ACKR3: variants seen among roughly 807,000 people sequenced by gnomAD.
ACKR3 encodes C-X-C chemokine receptor type 7.
A neutral mutation model predicts 22.4 loss-of-function variants in ACKR3; 6 were observed. That is an observed-to-expected ratio of 0.27 (90% CI 0.15 to 0.53). The LOEUF (loss-of-function observed/expected upper bound fraction) is 0.53, where lower values mean the gene tolerates loss of function less well. ACKR3 is among the 20% of genes least tolerant of loss of function. The pLI is 0.96. For missense variants in ACKR3, 396 were observed against 475.2 expected (o/e 0.83, Z 1.55); for synonymous variants, 209 against 205.2 (o/e 1.02, Z -0.16).
chr2:236,580,525 A>G lies in ACKR3; in HGVS notation c.60A>G (p.Pro20=), dbSNP rs770517014. 4.3e-6 allele frequency: 7 copies of G among 1,614,130 alleles called. No individual in the cohort carries two copies. The highest frequency in any genetic ancestry group is 3.3e-5 in the South Asian group (3 of 91,090). The change falls in exon 2 of 2, where the codon CCA becomes CCG. Residue 20 remains proline (P), a synonymous_variant. Transcript: ENST00000272928. ...EPGNFSDISW[P]CNSSDCIVVD... is the part of the protein sequence containing the mutation. ...GGAACTTCTCGGACATCAGCTGGCC[A>G]TGCAACAGCAGCGACTGCATCGTGG...
the ACKR3 span, among the ~76,000 whole-genome samples, chr2:236,539,794 C>T: frequency 1.3e-5 from 2 of 152,208 alleles, no homozygotes; most frequent in African/African-American, 2.4e-5. Flanking sequence ...AACTGACTCA[C>T]AGTTCTACAT....
chr2:236,564,634 A>G (rs1166439324), upstream of ACKR3, among the ~76,000 whole-genome samples: 1 of 147,880 alleles, frequency 6.8e-6, no homozygotes, highest in South Asian at 2.1e-4. Flanking sequence ...TTAATAAATC[A>G]GTTGTCCCTG....
the ACKR3 span, among the ~76,000 whole-genome samples, chr2:236,549,814 G>T: frequency 2.0e-5 from 3 of 152,180 alleles, no homozygotes; most frequent in African/African-American, 7.2e-5. The surrounding 1 kb of genome is among the most constrained non-coding windows in gnomAD (Gnocchi z 5.3). Context: ...TTTTGAAAGT[G>T]GACATTATCT....
chr2:236,577,517 A>G lies in ACKR3; in HGVS notation c.-26-2923A>G, dbSNP rs9808217. On this transcript the variant is annotated intron_variant, in intron 1 of 1. Transcript: ENST00000272928. The surrounding 1 kb of genome is among the most constrained non-coding windows in gnomAD (Gnocchi z 5.6). Reference sequence around the variant, plus strand: ...AGCGGGTGAGTGTCTATTTTGTGCTAAGAGTGGAGGAACTGGAAGGAAGGA... The same window carrying G: ...AGCGGGTGAGTGTCTATTTTGTGCTGAGAGTGGAGGAACTGGAAGGAAGGA... Among the ~76,000 whole-genome samples the G allele has an allele frequency of 0.18, 27,824 of 151,968 alleles. 3,266 individuals carry two copies. Among genetic ancestry groups the G allele is most frequent in the African/African-American group, 0.33 (13,541 of 41,406 alleles).
the ACKR3 span, among the ~76,000 whole-genome samples, chr2:236,555,803 G>C: frequency 6.9e-6 from 1 of 144,818 alleles, no homozygotes; most frequent in Middle Eastern, 3.5e-3. Context: ...AACTTACATG[G>C]CCTTTTTACC....
chr2:236,553,377 T>C, the ACKR3 span, among the ~76,000 whole-genome samples: 1 of 152,326 alleles, frequency 6.6e-6, no homozygotes, highest in South Asian at 2.1e-4. Flanking sequence ...TTGGCAGATA[T>C]ACGCTTACAG....
At chr2:236,575,861 G>C (rs543148127) in intron 1 of ACKR3, among the ~76,000 whole-genome samples, 32 of 152,106 alleles carry the variant, frequency 2.1e-4, no homozygotes, top group Admixed American at 1.6e-3. Context: ...GTGTTTGCTC[G>C]TAAATAAATA....
At chr2:236,553,739 G>A in the ACKR3 span, among the ~76,000 whole-genome samples, 21 of 152,388 alleles carry the variant, frequency 1.4e-4, no homozygotes, top group African/African-American at 5.1e-4. Flanking sequence ...CAGAGAAGCT[G>A]CGAACTGCGA....
the ACKR3 span, among the ~76,000 whole-genome samples, chr2:236,540,232 A>T: frequency 6.6e-6 from 1 of 152,218 alleles, no homozygotes; most frequent in Non-Finnish European, 1.5e-5. Context: ...TAGTAATTGT[A>T]AAATAGTGTC....
Position 236,574,442 on chromosome 2 carries a change from A to G in ACKR3, c.-27+4518A>G, listed in dbSNP as rs529443146. Among the ~76,000 whole-genome samples the G allele has an allele frequency of 6.6e-6, 1 of 152,290 alleles. No homozygotes were observed. The highest frequency in any genetic ancestry group is 1.9e-4 in the East Asian group (1 of 5,184). ...TGAACAACGTGATGGTACAAAAGCC[A>G]TTCCAGAATAGAGATGTGCAGTGTG... On this transcript the variant is annotated intron_variant, in intron 1 of 1. Coordinates refer to ENST00000272928, the MANE Select transcript of ACKR3 (RefSeq NM_020311.3). This position sits in a 1 kb window ranked among gnomAD's most constrained non-coding sequence, Gnocchi z 5.6.
Position 236,577,285 on chromosome 2 carries a change from G to T in ACKR3, c.-26-3155G>T, listed in dbSNP as rs750244437. Among the ~76,000 whole-genome samples, 2 of 152,246 alleles carry T rather than the reference G, an allele frequency of 1.3e-5. No individual in the cohort carries two copies. The highest frequency in any genetic ancestry group is 4.8e-5 in the African/African-American group (2 of 41,464). ...TGCCACCCGGGAGGGGAGAAGCAAG[G>T]ACAGAGGCGAGGACGGCTGAGCGGG... On this transcript the variant is annotated intron_variant, in intron 1 of 1. Transcript: ENST00000272928. The surrounding 1 kb of genome is among the most constrained non-coding windows in gnomAD (Gnocchi z 5.6).
chr2:236,565,060 G>A (rs1043059083), upstream of ACKR3, among the ~76,000 whole-genome samples: 25 of 152,258 alleles, frequency 1.6e-4, no homozygotes, highest in Non-Finnish European at 1.2e-4. Flanking sequence ...GCCTTGGAAC[G>A]TATATCTGTT....
the ACKR3 span, among the ~76,000 whole-genome samples, chr2:236,539,748 T>G: frequency 1.3e-5 from 2 of 152,302 alleles, no homozygotes; most frequent in Non-Finnish European, 1.5e-5. Context: ...ATAAAGACAT[T>G]TCTGAGACTG....
chr2:236,579,532 G>T (rs74392437), intron 1 of ACKR3, among the ~76,000 whole-genome samples: 2,956 of 152,334 alleles, frequency 0.019, 80 homozygotes, highest in African/African-American at 0.062. Flanking sequence ...AATTCTGGCT[G>T]GGAGTGAAAT....
the ACKR3 span, among the ~76,000 whole-genome samples, chr2:236,561,502 A>G: frequency 1.3e-5 from 2 of 151,236 alleles, no homozygotes; most frequent in Non-Finnish European, 2.9e-5. Context: ...ATATATACAA[A>G]CACAATTGAC....
chr2:236,566,559 T>A (rs1244829404), upstream of ACKR3, among the ~76,000 whole-genome samples: 1 of 152,202 alleles, frequency 6.6e-6, no homozygotes, highest in Admixed American at 6.5e-5. Context: ...AGCATCCTTA[T>A]CCTTAGGACT....
chr2:236,538,991 T>C, the ACKR3 span, among the ~76,000 whole-genome samples: 1 of 152,218 alleles, frequency 6.6e-6, no homozygotes, highest in Non-Finnish European at 1.5e-5. Context: ...GCTCTCAGGT[T>C]CTAGGACTTC....
the ACKR3 span, among the ~76,000 whole-genome samples, chr2:236,543,941 GTATATATA>G: frequency 0.029 from 1,676 of 57,330 alleles, 48 homozygotes; most frequent in Non-Finnish European, 0.048. Context: ...TGGGAGAAGG[GTATATATA>G]TATATATATA....
In ACKR3 at chr2:236,580,772, A is replaced by G; in HGVS notation, c.307A>G (p.Ser103Gly). 6.2e-7 allele frequency: 1 copy of G among 1,614,200 alleles called. No homozygotes were observed. The highest frequency in any genetic ancestry group is 8.5e-7 in the Non-Finnish European group (1 of 1,180,026). Residue 103 changes from serine (S) to glycine (G), a missense_variant, in exon 2 of 2, where the codon AGT becomes GGT. Transcript: ENST00000272928. ...VVLTIPVWVVSLVQHNQWPMG... is the reference protein window; with the variant it reads ...VVLTIPVWVVGLVQHNQWPMG... ...CCTCACCATCCCAGTCTGGGTGGTCAGTCTCGTGCAGCACAACCAGTGGCC... is the reference window on the plus strand; with the variant it reads ...CCTCACCATCCCAGTCTGGGTGGTCGGTCTCGTGCAGCACAACCAGTGGCC...
Sources: gnomAD v4.1 joint callset for allele counts (sites outside exome capture counted in the v4.1 genomes callset) on GRCh38, gnomAD v4.1.1 for gene constraint, Gnocchi (gnomAD v3.1) non-coding constraint, MANE v1.5 for transcripts, NCBI Gene and HGNC (gene_info 2026-07-23, HGNC 2026-07-21) for gene names.